EED: variants seen among roughly 807,000 people sequenced by gnomAD.
EED encodes the protein embryonic ectoderm development.
Under a neutral mutation model 61.0 loss-of-function variants are expected in EED, and 9 were observed. That is an observed-to-expected ratio of 0.15 (90% CI 0.09 to 0.26). The LOEUF is 0.26. EED is among the 10% of genes least tolerant of loss of function. EED has a pLI of 1.00. For missense variants in EED, 315 were observed against 542.3 expected, an observed-to-expected ratio of 0.58 and a Z score of 4.16; for synonymous variants, 187 against 174.4, an observed-to-expected ratio of 1.07 and a Z score of -0.57.
intron 6 of EED, among the ~76,000 whole-genome samples, chr11:86,258,526 CT>C (rs1272273392): frequency 1.4e-5 from 2 of 146,244 alleles, no homozygotes; most frequent in African/African-American, 5.0e-5. Flanking sequence ...AATATTACAA[CT>C]TTTTTTTTCT....
intron 6 of EED, among the ~76,000 whole-genome samples, chr11:86,261,438 C>T (rs150097276): frequency 6.6e-6 from 1 of 152,354 alleles, no homozygotes; most frequent in Non-Finnish European, 1.5e-5. Context: ...GTGCAGCCCA[C>T]ATAGCATCTT....
chr11:86,256,052 G>T (rs1945663073), intron 4 of EED, among the ~76,000 whole-genome samples: 1 of 152,186 alleles, frequency 6.6e-6, no homozygotes, highest in Non-Finnish European at 1.5e-5. Context: ...CAGCGTGCAG[G>T]TTGGTCACCT....
intron 9 of EED, among the ~76,000 whole-genome samples, chr11:86,271,129 G>C (rs1439234916): frequency 6.6e-6 from 1 of 152,098 alleles, no homozygotes; most frequent in African/African-American, 2.4e-5. Context: ...ATTTCAAGGA[G>C]AATTAATATT....
In EED at chr11:86,277,670, A is replaced by G. The variant is rs976867027; in HGVS notation, c.1126-248A>G. 1.4e-5 allele frequency: 4 copies of G among 278,512 alleles called. No homozygotes were observed. The Admixed American group carries it at 1.6e-4, about 11-fold the overall frequency. 17.3% of individuals were successfully genotyped at this position (278,512 alleles called of 1,614,324 possible). On this transcript the variant is annotated intron_variant, in intron 10 of 11. Transcript: ENST00000263360. The stretch of plus-strand genomic sequence containing the variant: ...AAGAAAAAGTAAGTACCATGCTAAC[A>G]ATGTAAATTTGTAAGGCCCTTCATA...
the EED span, among the ~76,000 whole-genome samples, chr11:86,285,904 A>G: frequency 6.6e-6 from 1 of 151,780 alleles, no homozygotes; most frequent in Non-Finnish European, 1.5e-5. Context: ...TGGTGTAATG[A>G]TCATTTTAAA....
intron 11 of EED, 96 bp from the exon 12 acceptor site, chr11:86,278,303 C>T: frequency 1.3e-6 from 2 of 1,502,302 alleles, no homozygotes; most frequent in Non-Finnish European, 1.8e-6. Flanking sequence ...TTTCGTATGA[C>T]TTGGAACATC....
Position 86,264,158 on chromosome 11 carries a change from T to C in EED, c.635-14T>C, listed in dbSNP as rs748705884. 1.9e-6 allele frequency: 3 copies of C among 1,591,196 alleles called. No homozygotes were observed. On this transcript the variant is annotated splice_polypyrimidine_tract_variant and intron_variant, in intron 6 of 11. Transcript: ENST00000263360. ...ATAAAAAACATTCGCCTAATTTTTG[T>C]ATGTTTATACTAGATCATGCTTTAC...
At chr11:86,270,276 T>C (rs1946083141) in intron 9 of EED, 2 of 481,462 alleles carry the variant, frequency 4.2e-6, no homozygotes, top group Non-Finnish European at 3.7e-6. Context: ...CATGTGCTTA[T>C]TTACCATTCG....
chr11:86,245,185 A>G lies in EED; in HGVS notation c.-45A>G, dbSNP rs201477814. On this transcript the variant is annotated 5_prime_UTR_variant, in exon 1 of 12. Coordinates refer to ENST00000263360, the MANE Select transcript of EED (RefSeq NM_003797.5). Reference sequence around the variant, plus strand: ...GGCTTGCTTGACGGCGGTGTGGCGGAGGCCCCGCCCCAGGCGGCAGGAACC... The same window carrying G: ...GGCTTGCTTGACGGCGGTGTGGCGGGGGCCCCGCCCCAGGCGGCAGGAACC... The G allele has an allele frequency of 3.3e-6, 5 of 1,524,276 alleles. No homozygotes were observed. The highest frequency in any genetic ancestry group is 2.8e-5 in the African/African-American group (2 of 72,030). The allele number at this position is 1,524,276 out of a possible 1,614,324, so 94.4% of individuals were successfully genotyped here.
At chr11:86,246,971 CAT>C (rs552348826) in intron 1 of EED, among the ~76,000 whole-genome samples, 14 of 152,206 alleles carry the variant, frequency 9.2e-5, no homozygotes, top group South Asian at 6.2e-4. Flanking sequence ...GTACTATACA[CAT>C]GTTATTTATT....
At chr11:86,265,023 A>G (rs946815345) in intron 7 of EED, 7 of 152,172 alleles carry the variant, frequency 4.6e-5, no homozygotes, top group Non-Finnish European at 7.4e-5. Context: ...CTTCCTTCGA[A>G]TACCTTGTCA....
chr11:86,264,595 A>G (rs749031199), intron 7 of EED: 2 of 187,870 alleles, frequency 1.1e-5, no homozygotes, highest in Non-Finnish European at 2.2e-5. Flanking sequence ...AAATTAAACT[A>G]TGTAGCCATT....
chr11:86,251,309 T>C (rs1375322192), intron 2 of EED, among the ~76,000 whole-genome samples: 1 of 152,182 alleles, frequency 6.6e-6, no homozygotes, highest in Non-Finnish European at 1.5e-5. Flanking sequence ...AAGTCAATTA[T>C]AGTTTCATGT....
At chr11:86,286,051 GAC>G in the EED span, among the ~76,000 whole-genome samples, 1 of 151,244 alleles carries the variant, frequency 6.6e-6, no homozygotes, top group Non-Finnish European at 1.5e-5. Context: ...TTTTATTTGA[GAC>G]AGAGTCTCGC....
chr11:86,281,038 T>A (rs1339799106), downstream of EED, among the ~76,000 whole-genome samples: 1 of 152,248 alleles, frequency 6.6e-6, no homozygotes, highest in Non-Finnish European at 1.5e-5. Context: ...GGTGGATGAT[T>A]CTTTTAATGT....
intron 7 of EED, 55 bp downstream of exon 7, chr11:86,264,318 C>A: frequency 1.6e-6 from 2 of 1,212,640 alleles, no homozygotes; most frequent in South Asian, 1.3e-5. Flanking sequence ...TGTGAACAGT[C>A]TCCATGGAAC....
downstream of EED, among the ~76,000 whole-genome samples, chr11:86,278,998 G>T (rs1946291153): frequency 6.6e-6 from 1 of 152,206 alleles, no homozygotes; most frequent in Non-Finnish European, 1.5e-5. Context: ...TGGGGTTATT[G>T]TGAGGATCAA....
intron 1 of EED, among the ~76,000 whole-genome samples, chr11:86,247,310 T>C (rs2138122347): frequency 6.6e-6 from 1 of 152,344 alleles, no homozygotes; most frequent in East Asian, 1.9e-4. Flanking sequence ...ATAACATTTT[T>C]AGATGTATGA....
chr11:86,284,610 G>A, the EED span: 3 of 152,280 alleles, frequency 2.0e-5, no homozygotes. Flanking sequence ...ACATATGCCA[G>A]AGCTTGGGTA....
Sources: allele counts gnomAD v4.1 joint callset (sites outside exome capture counted in the v4.1 genomes callset), GRCh38; gene constraint gnomAD v4.1.1; transcripts MANE v1.5; gene names NCBI Gene and HGNC (gene_info 2026-07-23, HGNC 2026-07-21).